The following ARHGAP33 variants were observed in gnomAD, a reference collection of about 807,000 sequenced individuals.
ARHGAP33 encodes the protein Rho GTPase activating protein 33.
A neutral mutation model predicts 126.2 loss-of-function variants in ARHGAP33; 57 were observed. That is an observed-to-expected ratio of 0.45 (90% CI 0.36 to 0.56). ARHGAP33 has a LOEUF of 0.56. Ranked by LOEUF, ARHGAP33 falls within the 20% of genes least tolerant of loss-of-function variation. The probability of loss-of-function intolerance (pLI) is 0.00; values close to 1 mark genes in which losing one functional copy is unlikely to be tolerated. For missense variants in ARHGAP33, 1,500 were observed against 1,748.3 expected (o/e 0.86, Z 2.53); for synonymous variants, 711 against 755.0 (o/e 0.94, Z 0.95).
chr19:35,786,013 C>G lies in ARHGAP33; in HGVS notation c.1943-400C>G, dbSNP rs112910841. ...TCTCCATCGCTACCTCACAGCCCGC[C>G]GCGCTGCTGGGTGCTGCTCTCCGAC... On this transcript the variant is annotated intron_variant, in intron 19 of 20. Coordinates refer to ENST00000007510, the MANE Select transcript of ARHGAP33 (RefSeq NM_001366178.1). The surrounding 1 kb of genome is among the most constrained non-coding windows in gnomAD (Gnocchi z 7.0). 90 of 1,117,140 alleles carry G rather than the reference C, an allele frequency of 8.1e-5. No individual in the cohort carries two copies. The African/African-American group carries it at 1.4e-3, about 17-fold the overall frequency. 69.2% of individuals were successfully genotyped at this position (1,117,140 alleles called of 1,614,324 possible). A position where few individuals can be genotyped will look rare whatever the true frequency, so the allele number is the denominator to read the frequency against.
Position 35,782,791 on chromosome 19 carries a change from C to A in ARHGAP33, c.1343C>A (p.Ala448Asp). The part of the protein sequence containing the change: ...RTLEYLLRHL[A>D]RMARHSANTS... ...CTGGAGTACCTGCTGAGGCACCTGG[C>A]CCGCATGGCGAGACACAGTGCCAAC... Residue 448 changes from alanine to aspartate, a missense_variant, in exon 15 of 21, where the codon GCC (alanine) becomes GAC (aspartate). Transcript: ENST00000007510. This position sits in a 1 kb window ranked among gnomAD's most constrained non-coding sequence, Gnocchi z 4.1. 1 of 1,613,760 alleles carries A rather than the reference C, an allele frequency of 6.2e-7. No homozygotes were observed. Among genetic ancestry groups the A allele is most frequent in the Non-Finnish European group, 8.5e-7 (1 of 1,179,802 alleles).
At chr19:35,784,888 T>C in intron 16 of ARHGAP33, 65 bp from the exon 17 acceptor site, 1 of 1,463,306 alleles carries the variant, frequency 6.8e-7, no homozygotes, top group South Asian at 1.3e-5. Flanking sequence ...GCTGTGGCGC[T>C]TGGCTTTGCC....
rs1317974362 is a variant in ARHGAP33 at position 35,781,143 on chromosome 19, C to G, written c.983-7C>G. The G allele has an allele frequency of 1.3e-6, 2 of 1,492,188 alleles. No homozygotes were observed. The highest frequency in any genetic ancestry group is 1.8e-5 in the Admixed American group (1 of 55,222). 92.4% of individuals were successfully genotyped at this position (1,492,188 alleles called of 1,614,324 possible). ...GCCCACCCAGCCCTGACCTTGCTTT[C>G]TCCCAGTGCCCCAGGTGCTGCGCTG... On this transcript the variant is annotated splice_polypyrimidine_tract_variant and splice_region_variant and intron_variant, in intron 11 of 20. Transcript: ENST00000007510.
In ARHGAP33 at chr19:35,782,872, G is replaced by A; in HGVS notation, c.1421+3G>A. The A allele has an allele frequency of 6.2e-7, 1 of 1,607,762 alleles. No individual in the cohort carries two copies. The highest frequency in any genetic ancestry group is 1.1e-5 in the South Asian group (1 of 90,012). Reference sequence around the variant, plus strand: ...GTCTGGGCACCCAACCTGCTACGGTGAGCTGCTTGCTCGCCTGCCTGCCCC... The same window carrying A: ...GTCTGGGCACCCAACCTGCTACGGTAAGCTGCTTGCTCGCCTGCCTGCCCC... On this transcript the variant is annotated splice_donor_region_variant and intron_variant, in intron 15 of 20. Transcript: ENST00000007510. The surrounding 1 kb of genome is among the most constrained non-coding windows in gnomAD (Gnocchi z 4.1).
intron 1 of ARHGAP33, among the ~76,000 whole-genome samples, chr19:35,776,655 A>G (rs1971475096): frequency 6.6e-6 from 1 of 152,352 alleles, no homozygotes; most frequent in Admixed American, 6.5e-5. Context: ...AGGAACAATC[A>G]TGTCTGAACA....
chr19:35,779,896 C>T (rs1225587537), intron 6 of ARHGAP33: 2 of 508,668 alleles, frequency 3.9e-6, no homozygotes, highest in East Asian at 5.3e-5. Flanking sequence ...AGATGGCAAC[C>T]GTGTGGCATC....
Position 35,784,155 on chromosome 19 carries a change from C to T in ARHGAP33, c.1422-17C>T. 1.2e-6 allele frequency: 2 copies of T among 1,603,832 alleles called. No homozygotes were observed. Among genetic ancestry groups the T allele is most frequent in the South Asian group, 2.2e-5 (2 of 90,112 alleles). ...GGGCTCAAGGCACCCAGCCTCCCTC[C>T]CGCTCCTCCCACCCAGGTCCATGGA... On this transcript the variant is annotated splice_polypyrimidine_tract_variant and intron_variant, in intron 15 of 20. Coordinates refer to ENST00000007510, the MANE Select transcript of ARHGAP33 (RefSeq NM_001366178.1).
rs377505912 is a variant in ARHGAP33 at position 35,779,100 on chromosome 19, C to T, written c.477C>T (p.Cys159=). The T allele has an allele frequency of 5.2e-6, 8 of 1,551,518 alleles. No individual in the cohort carries two copies. The highest frequency in any genetic ancestry group is 4.9e-5 in the East Asian group (2 of 40,948). Residue 159 remains cysteine, a synonymous_variant, in exon 6 of 21, where the codon TGC becomes TGT. Coordinates refer to ENST00000007510, the MANE Select transcript of ARHGAP33 (RefSeq NM_001366178.1). Reference sequence around the variant, plus strand: ...GACTGGTGGACAGTAACCTCAACTGCGGGCCTGTGCTCACCTGGATGGAGG... The same window carrying T: ...GACTGGTGGACAGTAACCTCAACTGTGGGCCTGTGCTCACCTGGATGGAGG... ...LSGLVDSNLN[C]GPVLTWMELD...
At chr19:35,784,877 G>T in intron 16 of ARHGAP33, 76 bp from the exon 17 acceptor site, 1 of 1,447,944 alleles carries the variant, frequency 6.9e-7, no homozygotes, top group Non-Finnish European at 9.0e-7. Flanking sequence ...CCGGGGCTTG[G>T]GCTGTGGCGC....
Position 35,778,533 on chromosome 19 carries a change from A to G in ARHGAP33, c.340A>G (p.Ile114Val), listed in dbSNP as rs747883670. 2 of 1,614,068 alleles carry G rather than the reference A, an allele frequency of 1.2e-6. No homozygotes were observed. Among genetic ancestry groups the G allele is most frequent in the South Asian group, 1.1e-5 (1 of 91,080 alleles). Residue 114 changes from isoleucine to valine, a missense_variant, in exon 5 of 21, where the codon ATA (isoleucine) becomes GTA (valine). Coordinates refer to ENST00000007510, the MANE Select transcript of ARHGAP33 (RefSeq NM_001366178.1). ...RSLDAHLHRC[I>V]FDRRFSCLPE... ...CCTGGATGCCCACCTCCACCGGTGC[A>G]TATTTGACCGGAGGTTCTCCTGCCT...
At chr19:35,775,737 G>T in intron 1 of ARHGAP33, 73 bp downstream of exon 1, 1 of 1,397,098 alleles carries the variant, frequency 7.2e-7, no homozygotes, top group Non-Finnish European at 9.5e-7. Context: ...CGCCCCGCGC[G>T]CCCCGCCCCC....
intron 8 of ARHGAP33, 34 bp downstream of exon 8, chr19:35,780,532 G>T: frequency 2.5e-6 from 4 of 1,612,384 alleles, no homozygotes; most frequent in Non-Finnish European, 3.4e-6. Context: ...GGTGGGGCTG[G>T]GGTACCTGCC....
chr19:35,776,953 A>T (rs1311148983), intron 1 of ARHGAP33, among the ~76,000 whole-genome samples: 3 of 152,154 alleles, frequency 2.0e-5, no homozygotes, highest in Non-Finnish European at 2.9e-5. Flanking sequence ...AGTGAGGATG[A>T]ATGTACCCAG....
Position 35,788,523 on chromosome 19 carries a change from C to A in ARHGAP33, c.*94C>A. On this transcript the variant is annotated 3_prime_UTR_variant, in exon 21 of 21. Coordinates refer to ENST00000007510, the MANE Select transcript of ARHGAP33 (RefSeq NM_001366178.1). ...TGTTTTGTATTTTCTTGAACCCCGA[C>A]CACTACCCCAGGTTTCTAACTTTGT... 8.7e-7 allele frequency: 1 copy of A among 1,148,150 alleles called. No homozygotes were observed. The highest frequency in any genetic ancestry group is 1.2e-6 in the Non-Finnish European group (1 of 842,692). The allele number at this position is 1,148,150 out of a possible 1,614,324, so 71.1% of individuals were successfully genotyped here.
chr19:35,786,718 C>T lies in ARHGAP33; in HGVS notation c.2248C>T (p.Pro750Ser). 1 of 1,533,930 alleles carries T rather than the reference C, an allele frequency of 6.5e-7. No individual in the cohort carries two copies. The highest frequency in any genetic ancestry group is 1.2e-5 in the South Asian group (1 of 83,880). The change falls in exon 20 of 21, where the codon CCC becomes TCC. Residue 750 changes from proline to serine, a missense_variant. Transcript: ENST00000007510. The surrounding 1 kb of genome is among the most constrained non-coding windows in gnomAD (Gnocchi z 7.0). ...TCCCTTAACCTTCCGCTGCAGCAGC[C>T]CCACCCCAGGGGATCCCGCACCTCC... ...FDPLTFRCSS[P>S]TPGDPAPPAS... is the part of the protein sequence containing the mutation.
chr19:35,775,581 G>A lies in ARHGAP33; in HGVS notation c.-78G>A, dbSNP rs917884881. 54 of 1,447,652 alleles carry A rather than the reference G, an allele frequency of 3.7e-5. No individual in the cohort carries two copies. Among genetic ancestry groups the A allele is most frequent in the Non-Finnish European group, 4.8e-5 (53 of 1,102,934 alleles). The allele number at this position is 1,447,652 out of a possible 1,614,324, so 89.7% of individuals were successfully genotyped here. Reference sequence around the variant, plus strand: ...CGGCTCGCGCCCTCCCCTTTGTGTCGCCATGGCGGCGGCAGCGGCGACGAG... The same window carrying A: ...CGGCTCGCGCCCTCCCCTTTGTGTCACCATGGCGGCGGCAGCGGCGACGAG... On this transcript the variant is annotated 5_prime_UTR_variant, in exon 1 of 21. Transcript: ENST00000007510.
Position 35,788,552 on chromosome 19 carries a change from T to C in ARHGAP33, c.*123T>C. On this transcript the variant is annotated 3_prime_UTR_variant, in exon 21 of 21. Transcript: ENST00000007510. ...TACCCCAGGTTTCTAACTTTGTAAC[T>C]TGCTTCTGATGTGGGTCCCTAACCT... is the stretch of plus-strand genomic sequence containing the variant. 2.3e-6 allele frequency: 2 copies of C among 887,494 alleles called. No individual in the cohort carries two copies. Among genetic ancestry groups the C allele is most frequent in the Non-Finnish European group, 3.3e-6 (2 of 612,540 alleles). 55.0% of individuals were successfully genotyped at this position (887,494 alleles called of 1,614,324 possible).
chr19:35,785,588 C>A, intron 19 of ARHGAP33, 105 bp downstream of exon 19: 1 of 1,545,362 alleles, frequency 6.5e-7, no homozygotes. Context: ...CATTTGGGGG[C>A]CCTGGGGCTT....
In ARHGAP33 at chr19:35,784,950, C is replaced by T; in HGVS notation, c.1568-3C>T. On this transcript the variant is annotated splice_region_variant and splice_polypyrimidine_tract_variant and intron_variant, in intron 16 of 20. Transcript: ENST00000007510. ...ACAGCTGCCCCCTTTCCACACTCCC[C>T]AGGCCGCTGCCTGCTCCCCAGGCCC... 1 of 1,538,538 alleles carries T rather than the reference C, an allele frequency of 6.5e-7. No homozygotes were observed. Among genetic ancestry groups the T allele is most frequent in the East Asian group, 2.4e-5 (1 of 40,854 alleles).
Sources: gnomAD v4.1 joint callset for allele counts (sites outside exome capture counted in the v4.1 genomes callset) on GRCh38, gnomAD v4.1.1 for gene constraint, Gnocchi (gnomAD v3.1) non-coding constraint, MANE v1.5 for transcripts, NCBI Gene and HGNC (gene_info 2026-07-23, HGNC 2026-07-21) for gene names.